The following OPCML variants were observed in gnomAD, a reference collection of about 807,000 sequenced individuals.
OPCML encodes the protein opioid binding protein/cell adhesion molecule like, also known as opioid-binding protein/cell adhesion molecule.
OPCML carries 13 observed loss-of-function variants against 37.8 expected under a neutral mutation model. The ratio of observed to expected loss-of-function variants is 0.34; its 90% CI spans 0.22 to 0.55. The LOEUF (loss-of-function observed/expected upper bound fraction) is 0.55. Among genes scored for constraint, OPCML ranks in the 20% least tolerant of loss-of-function variants. OPCML has a pLI of 0.91. For missense variants in OPCML, 341 were observed against 435.6 expected, an observed-to-expected ratio of 0.78 and a Z score of 1.93; for synonymous variants, 176 against 168.8, an observed-to-expected ratio of 1.04 and a Z score of -0.33.
At chr11:133,453,856 C>G (rs537712528) in intron 1 of OPCML, among the ~76,000 whole-genome samples, 24 of 152,182 alleles carry the variant, frequency 1.6e-4, no homozygotes, top group Non-Finnish European at 2.6e-4. Flanking sequence ...TGTTTGCGGA[C>G]AGAGCCTACA....
chr11:132,850,426 G>T (rs537634253), intron 2 of OPCML, among the ~76,000 whole-genome samples: 1 of 152,076 alleles, frequency 6.6e-6, no homozygotes, highest in Non-Finnish European at 1.5e-5. Context: ...ACGTTAAAAC[G>T]CACAGTTGGG....
intron 1 of OPCML, among the ~76,000 whole-genome samples, chr11:132,962,328 C>T (rs1946110914): frequency 1.3e-5 from 2 of 152,208 alleles, no homozygotes; most frequent in South Asian, 4.1e-4. Flanking sequence ...TCTGCCTGCT[C>T]ACCCTCCCCC....
intron 2 of OPCML, among the ~76,000 whole-genome samples, chr11:132,790,884 G>A (rs910750553): frequency 2.6e-5 from 4 of 152,218 alleles, no homozygotes; most frequent in African/African-American, 7.2e-5. Context: ...AACACAGCCA[G>A]GGAGAAAGAT....
chr11:132,777,985 A>G (rs2136141585), intron 2 of OPCML, among the ~76,000 whole-genome samples: 1 of 152,304 alleles, frequency 6.6e-6, no homozygotes, highest in South Asian at 2.1e-4. Context: ...GCAGCAGTAA[A>G]TTCCAGGAGA....
At chr11:133,076,975 G>T (rs1208551378) in intron 1 of OPCML, among the ~76,000 whole-genome samples, 1 of 152,090 alleles carries the variant, frequency 6.6e-6, no homozygotes, top group Non-Finnish European at 1.5e-5. Flanking sequence ...GTTGGCGGTG[G>T]GGCAGGAGGT....
chr11:132,962,404 G>T (rs1438519449), intron 1 of OPCML, among the ~76,000 whole-genome samples: 2 of 152,178 alleles, frequency 1.3e-5, no homozygotes, highest in African/African-American at 4.8e-5. Flanking sequence ...TTTGCAATTA[G>T]CAAGCTCCCA....
intron 1 of OPCML, among the ~76,000 whole-genome samples, chr11:133,479,144 G>A (rs551039319): frequency 1.3e-5 from 2 of 152,260 alleles, no homozygotes; most frequent in African/African-American, 4.8e-5. Flanking sequence ...TTTCTCAGTT[G>A]GTCCATGAGC....
chr11:132,942,763 G>GGGCACGGCAGTC (rs1394404450), intron 2 of OPCML, among the ~76,000 whole-genome samples, 163 bp downstream of exon 2: 1 of 152,196 alleles, frequency 6.6e-6, no homozygotes, highest in African/African-American at 2.4e-5. Flanking sequence ...ACCTGTCCAG[G>GGGCACGGCAGTC]GGCACGGCAG....
intron 1 of OPCML, among the ~76,000 whole-genome samples, chr11:133,304,097 T>C (rs1488664186): frequency 6.6e-6 from 1 of 152,172 alleles, no homozygotes; most frequent in African/African-American, 2.4e-5. Flanking sequence ...CTTTGAAATT[T>C]AGAGATGTTC....
rs918087121 is a variant in OPCML at position 132,489,800 on chromosome 11, C to T, written c.505+39261G>A. On this transcript the variant is annotated intron_variant, in intron 4 of 7. Transcript: ENST00000524381. Reference sequence around the variant, plus strand: ...CACCAATCATCTAGGTTTTAAGCCCCGCATGCATTAGGTATTTCTGCTCAT... The same window carrying T: ...CACCAATCATCTAGGTTTTAAGCCCTGCATGCATTAGGTATTTCTGCTCAT... Among the ~76,000 whole-genome samples the T allele has an allele frequency of 8.6e-5, 13 of 152,016 alleles. No individual in the cohort carries two copies. In the East Asian group the frequency reaches 1.2e-3, roughly 14 times the overall value.
chr11:133,499,563 T>C (rs1470531312), intron 1 of OPCML, among the ~76,000 whole-genome samples: 3 of 151,842 alleles, frequency 2.0e-5, no homozygotes, highest in African/African-American at 7.3e-5. Flanking sequence ...TTGAGGCTCT[T>C]TGTGGGCTGC....
intron 1 of OPCML, among the ~76,000 whole-genome samples, chr11:133,095,528 A>C (rs1948987582): frequency 6.7e-6 from 1 of 148,166 alleles, no homozygotes; most frequent in Non-Finnish European, 1.5e-5. Flanking sequence ...TAGTACCTTC[A>C]AAAAAATGCA....
At chr11:132,725,244 A>G (rs1430957935) in intron 2 of OPCML, among the ~76,000 whole-genome samples, 1 of 152,184 alleles carries the variant, frequency 6.6e-6, no homozygotes, top group Non-Finnish European at 1.5e-5. Context: ...ACTTCTGTGC[A>G]CTGGCAGGCT....
At chr11:132,794,247 G>A (rs192435608) in intron 2 of OPCML, among the ~76,000 whole-genome samples, 519 of 152,214 alleles carry the variant, frequency 3.4e-3, no homozygotes, top group Non-Finnish European at 6.2e-3. Flanking sequence ...ATTTCAGCAT[G>A]GCACTTATCA....
At position 133,499,749 on chromosome 11, in the gene OPCML, C is replaced by G. The variant is rs186298344; in HGVS notation, c.61+32515G>C. Among the ~76,000 whole-genome samples the G allele has an allele frequency of 3.7e-3, 536 of 146,526 alleles. 2 individuals carry two copies. The highest frequency in any genetic ancestry group is 6.5e-3 in the Non-Finnish European group (438 of 67,094). On this transcript the variant is annotated intron_variant, in intron 1 of 7. Coordinates refer to ENST00000524381, the MANE Select transcript of OPCML (RefSeq NM_001012393.5). The stretch of plus-strand genomic sequence containing the variant: ...TTCCAGGAGATCAAAAACAAATGAC[C>G]AACACCACCAGCAGAAAAATAAATA...
chr11:133,400,414 C>A (rs762219129), intron 1 of OPCML, among the ~76,000 whole-genome samples: 1 of 152,122 alleles, frequency 6.6e-6, no homozygotes, highest in Non-Finnish European at 1.5e-5. Flanking sequence ...TTGCTCCTTC[C>A]GCTAAATTAT....
intron 2 of OPCML, among the ~76,000 whole-genome samples, chr11:132,903,718 G>A (rs1944141007): frequency 6.6e-6 from 1 of 152,112 alleles, no homozygotes; most frequent in Non-Finnish European, 1.5e-5. Context: ...CACTCTCCCA[G>A]CCAAAGTTAA....
chr11:133,324,280 G>A (rs897816701), intron 1 of OPCML, among the ~76,000 whole-genome samples: 6 of 152,072 alleles, frequency 3.9e-5, no homozygotes, highest in Admixed American at 2.0e-4. Context: ...CCTGCTCCAT[G>A]GTCTGAAAAG....
chr11:133,406,389 A>AGGCAGAGACG (rs1364205709), intron 1 of OPCML, among the ~76,000 whole-genome samples: 22 of 152,208 alleles, frequency 1.4e-4, no homozygotes, highest in African/African-American at 4.6e-4. Context: ...AATAAGAACC[A>AGGCAGAGACG]GGCAGAGACC....
Sources: gnomAD v4.1 joint callset for allele counts (sites outside exome capture counted in the v4.1 genomes callset) on GRCh38, gnomAD v4.1.1 for gene constraint, MANE v1.5 for transcripts, NCBI Gene and HGNC (gene_info 2026-07-23, HGNC 2026-07-21) for gene names.